Variants in ITPK1 observed in about 807,000 individuals in gnomAD.
ITPK1 encodes inositol 1,3,4-trisphosphate 5/6-kinase.
Under a neutral mutation model 45.3 loss-of-function variants are expected in ITPK1, and 21 were observed. That is an observed-to-expected ratio of 0.46 (90% CI 0.33 to 0.67). The LOEUF (loss-of-function observed/expected upper bound fraction) is 0.67, where lower values mean the gene tolerates loss of function less well. Among genes scored for constraint, ITPK1 ranks in the 30% least tolerant of loss-of-function variants. ITPK1 has a pLI of 0.02. For synonymous variants in ITPK1, 258 were observed against 253.6 expected, an observed-to-expected ratio of 1.02 and a Z score of -0.16; for missense variants, 474 against 573.5, an observed-to-expected ratio of 0.83 and a Z score of 1.77.
At chr14:92,997,676 G>A (rs1323713808) in intron 4 of ITPK1, among the ~76,000 whole-genome samples, 1 of 152,184 alleles carries the variant, frequency 6.6e-6, no homozygotes, top group Non-Finnish European at 1.5e-5. Context: ...GGGCAGCGCC[G>A]TCTCCATGGC....
At chr14:93,057,617 A>C (rs1246818837) in intron 3 of ITPK1, among the ~76,000 whole-genome samples, 1 of 152,218 alleles carries the variant, frequency 6.6e-6, no homozygotes, top group Non-Finnish European at 1.5e-5. Context: ...AGAAGGTGAG[A>C]GTGAAACGGG....
intron 5 of ITPK1, among the ~76,000 whole-genome samples, chr14:92,965,532 G>A (rs1169222596): frequency 1.3e-5 from 2 of 152,148 alleles, no homozygotes; most frequent in African/African-American, 4.8e-5. Context: ...CAGAGTGGAA[G>A]GGAAGAAGTG....
At chr14:93,026,572 C>T (rs1888740382) in intron 3 of ITPK1, among the ~76,000 whole-genome samples, 1 of 152,228 alleles carries the variant, frequency 6.6e-6, no homozygotes, top group Non-Finnish European at 1.5e-5. Flanking sequence ...ATATCCATCA[C>T]AATATAAATG....
intron 3 of ITPK1, among the ~76,000 whole-genome samples, chr14:93,051,395 C>T (rs574193233): frequency 2.3e-4 from 35 of 152,152 alleles, no homozygotes; most frequent in Non-Finnish European, 3.8e-4. Context: ...GCGGGCGGAT[C>T]GCTTGAACTC....
At chr14:93,099,734 G>A (rs745628047) in intron 2 of ITPK1, among the ~76,000 whole-genome samples, 21 of 152,068 alleles carry the variant, frequency 1.4e-4, no homozygotes, top group Admixed American at 7.2e-4. Context: ...CCTCCCTTCC[G>A]GAGCTTCCCA....
In ITPK1 at chr14:92,941,911, G is replaced by A. The variant is rs111490687; in HGVS notation, c.902-7C>T. The A allele has an allele frequency of 0.013, 20,215 of 1,609,980 alleles. 174 individuals carry two copies. The highest frequency in any genetic ancestry group is 0.014 in the Non-Finnish European group (16,892 of 1,178,762). Reference sequence around the variant, plus strand: ...TCGCTCACGCCCTCGTAGCCTGGGGGTGGGAGAGAGACAGCACAAGGGGCG... The same window carrying A: ...TCGCTCACGCCCTCGTAGCCTGGGGATGGGAGAGAGACAGCACAAGGGGCG... On this transcript the variant is annotated splice_polypyrimidine_tract_variant and splice_region_variant and intron_variant, in intron 10 of 10. Transcript: ENST00000267615.
In ITPK1 at chr14:92,977,311, G is replaced by T. The variant is rs544297034; in HGVS notation, c.365-14462C>A. On this transcript the variant is annotated intron_variant, in intron 5 of 10. Coordinates refer to ENST00000267615, the MANE Select transcript of ITPK1 (RefSeq NM_014216.6). ...CTGCTCTGCAGTCTGACATGGCCCT[G>T]GGGGAGGCAGGGGAGAAAGAAGAGT... 2.0e-5 allele frequency among the ~76,000 whole-genome samples: 3 copies of T among 152,338 alleles called. No homozygotes were observed. In the South Asian group the frequency reaches 6.2e-4, roughly 32 times the overall value.
intron 5 of ITPK1, among the ~76,000 whole-genome samples, chr14:92,985,172 G>C (rs1195251677): frequency 6.6e-6 from 1 of 152,130 alleles, no homozygotes; most frequent in Non-Finnish European, 1.5e-5. Flanking sequence ...AAACAGTCAA[G>C]GTTCCAAAGT....
chr14:92,950,206 C>A (rs1595079106), intron 9 of ITPK1, among the ~76,000 whole-genome samples: 1 of 152,230 alleles, frequency 6.6e-6, no homozygotes, highest in Admixed American at 6.5e-5. Flanking sequence ...TCCGCAGGGG[C>A]ATCCCACTGG....
rs994104935 is a variant in ITPK1, at chr14:93,032,074, G to A, written c.121-15273C>T. ...GATATAATAGTAACAAAGCAGCCGG[G>A]TGCAGTGGCTCACGCCTGTCATCCC... On this transcript the variant is annotated intron_variant, in intron 3 of 10. Coordinates refer to ENST00000267615, the MANE Select transcript of ITPK1 (RefSeq NM_014216.6). This position sits in a 1 kb window ranked among gnomAD's most constrained non-coding sequence, Gnocchi z 4.0. Among the ~76,000 whole-genome samples, 1 of 152,096 alleles carries A rather than the reference G, an allele frequency of 6.6e-6. No homozygotes were observed. The highest frequency in any genetic ancestry group is 2.4e-5 in the African/African-American group (1 of 41,352).
At position 93,057,542 on chromosome 14, in the gene ITPK1, A is replaced by T. The variant is rs577589336; in HGVS notation, c.120+19053T>A. 3.9e-5 allele frequency among the ~76,000 whole-genome samples: 6 copies of T among 152,340 alleles called. No individual in the cohort carries two copies. In the East Asian group the frequency reaches 1.2e-3, roughly 29 times the overall value. Reference sequence around the variant, plus strand: ...CTTCAAGATGAAAGGCTAAGAAAGGAAACAGACGTGCGAGTACACCTGGGA... The same window carrying T: ...CTTCAAGATGAAAGGCTAAGAAAGGTAACAGACGTGCGAGTACACCTGGGA... On this transcript the variant is annotated intron_variant, in intron 3 of 10. Coordinates refer to ENST00000267615, the MANE Select transcript of ITPK1 (RefSeq NM_014216.6).
chr14:93,009,333 C>G (rs926521918), intron 4 of ITPK1, among the ~76,000 whole-genome samples: 1 of 152,186 alleles, frequency 6.6e-6, no homozygotes, highest in East Asian at 1.9e-4. Flanking sequence ...AAACCCTGAC[C>G]GTCCACACAC....
chr14:92,956,915 G>C (rs571460541), intron 8 of ITPK1, among the ~76,000 whole-genome samples: 60 of 152,338 alleles, frequency 3.9e-4, no homozygotes, highest in Non-Finnish European at 4.4e-4. Context: ...CTGGGACCAT[G>C]ATGTCCCAAA....
intron 7 of ITPK1, among the ~76,000 whole-genome samples, chr14:92,959,017 G>A (rs1884905181): frequency 6.6e-6 from 1 of 152,136 alleles, no homozygotes. Context: ...ACAGCACCCA[G>A]CCGCGCCCCT....
chr14:93,106,784 T>A (rs1017394093), intron 2 of ITPK1, among the ~76,000 whole-genome samples: 12 of 152,132 alleles, frequency 7.9e-5, no homozygotes, highest in African/African-American at 2.7e-4. Flanking sequence ...TGCTCAGGAC[T>A]TGCCCACAAG....
chr14:93,059,750 GGGTCACGAGGCAGGGGTGGAGGGGGTGCT>G (rs1890430832), intron 3 of ITPK1, among the ~76,000 whole-genome samples: 19 of 54,118 alleles, frequency 3.5e-4, no homozygotes, highest in East Asian at 6.6e-4. Flanking sequence ...GAGGGGGTGC[GGGTCACGAGGCAGGGGTGGAGGGGGTGCT>G]GGTCACGAGG....
intron 3 of ITPK1, among the ~76,000 whole-genome samples, chr14:93,028,618 G>C (rs549566265): frequency 3.3e-5 from 5 of 152,334 alleles, no homozygotes; most frequent in African/African-American, 1.2e-4. Flanking sequence ...CATTCCACGA[G>C]ACAGTGTTGG....
chr14:93,019,567 T>C (rs535173115), intron 3 of ITPK1, among the ~76,000 whole-genome samples: 5 of 152,278 alleles, frequency 3.3e-5, no homozygotes, highest in Admixed American at 2.0e-4. Context: ...CGGCCGCCTC[T>C]CGCTGTGGCG....
At chr14:93,067,182 G>A (rs1314399046) in intron 3 of ITPK1, among the ~76,000 whole-genome samples, 1 of 151,950 alleles carries the variant, frequency 6.6e-6, no homozygotes, top group Non-Finnish European at 1.5e-5. Context: ...TCTTTTCTTT[G>A]CTTTTACGTA....
Sources: allele counts gnomAD v4.1 joint callset (sites outside exome capture counted in the v4.1 genomes callset), GRCh38; gene constraint gnomAD v4.1.1; non-coding constraint Gnocchi (gnomAD v3.1); transcripts MANE v1.5; gene names NCBI Gene and HGNC (gene_info 2026-07-23, HGNC 2026-07-21).